ARHGAP42: variants seen among roughly 807,000 people sequenced by gnomAD.
The protein encoded by ARHGAP42 is rho GTPase-activating protein 42.
Under a neutral mutation model 125.0 loss-of-function variants are expected in ARHGAP42, and 63 were observed. The observed-to-expected ratio is 0.50, with a 90% CI of 0.41 to 0.62. The LOEUF is 0.62. Ranked by LOEUF, ARHGAP42 falls within the 20% of genes least tolerant of loss-of-function variation. ARHGAP42 has a pLI of 0.00. For missense variants in ARHGAP42, 766 were observed against 1,024.2 expected, an observed-to-expected ratio of 0.75 and a Z score of 3.44; for synonymous variants, 339 against 351.0, an observed-to-expected ratio of 0.97 and a Z score of 0.38.
At chr11:100,954,825 A>G (rs926914533) in intron 12 of ARHGAP42, among the ~76,000 whole-genome samples, 1 of 152,196 alleles carries the variant, frequency 6.6e-6, no homozygotes, top group African/African-American at 2.4e-5. Context: ...GAAAAGGTCC[A>G]GTAGGTATCA....
At chr11:100,804,839 TC>T (rs1469442639) in intron 3 of ARHGAP42, among the ~76,000 whole-genome samples, 1 of 152,202 alleles carries the variant, frequency 6.6e-6, no homozygotes, top group Non-Finnish European at 1.5e-5. Flanking sequence ...AAAAAGTGTG[TC>T]GGTAACGTCA....
At chr11:100,768,283 T>C (rs1327327183) in intron 1 of ARHGAP42, among the ~76,000 whole-genome samples, 1 of 151,286 alleles carries the variant, frequency 6.6e-6, no homozygotes, top group Non-Finnish European at 1.5e-5. Flanking sequence ...AGGAGCAGGA[T>C]GTGGGGCATT....
intron 1 of ARHGAP42, among the ~76,000 whole-genome samples, chr11:100,717,366 G>T (rs530594498): frequency 4.6e-5 from 7 of 152,088 alleles, no homozygotes; most frequent in Non-Finnish European, 1.0e-4. Flanking sequence ...GGCCGGGCGC[G>T]GTGGCTCATG....
chr11:100,715,922 G>C (rs1393147562), intron 1 of ARHGAP42, among the ~76,000 whole-genome samples: 1 of 152,198 alleles, frequency 6.6e-6, no homozygotes, highest in African/African-American at 2.4e-5. Flanking sequence ...GAAGTCATTG[G>C]AGGAACTGCA....
At chr11:100,722,329 T>C (rs545714107) in intron 1 of ARHGAP42, among the ~76,000 whole-genome samples, 2 of 152,268 alleles carry the variant, frequency 1.3e-5, no homozygotes, top group South Asian at 4.1e-4. Flanking sequence ...TAGTCCTTTG[T>C]ATATTTTGGA....
intron 4 of ARHGAP42, among the ~76,000 whole-genome samples, chr11:100,909,886 T>A (rs1170363895): frequency 6.6e-6 from 1 of 152,178 alleles, no homozygotes; most frequent in Non-Finnish European, 1.5e-5. Flanking sequence ...ATGCCTACAG[T>A]CTTATAAATA....
chr11:100,832,072 G>A (rs1268346777), intron 3 of ARHGAP42, among the ~76,000 whole-genome samples: 1 of 152,204 alleles, frequency 6.6e-6, no homozygotes, highest in African/African-American at 2.4e-5. Flanking sequence ...TTGGCTCAGT[G>A]GCTCTATGTC....
chr11:100,948,405 A>C, intron 10 of ARHGAP42, 52 bp from the exon 11 acceptor site: 1 of 1,295,844 alleles, frequency 7.7e-7, no homozygotes, highest in Non-Finnish European at 1.1e-6. Flanking sequence ...GTTAACTGAG[A>C]ATTTAAAAAG....
chr11:100,799,727 C>T (rs373153035), intron 3 of ARHGAP42, among the ~76,000 whole-genome samples: 6 of 152,120 alleles, frequency 3.9e-5, no homozygotes, highest in South Asian at 2.1e-4. Flanking sequence ...GAAAATATGA[C>T]GGTTTAAAGA....
At chr11:100,954,634 A>G (rs1262243886) in intron 12 of ARHGAP42, among the ~76,000 whole-genome samples, 2 of 152,126 alleles carry the variant, frequency 1.3e-5, no homozygotes, top group African/African-American at 4.8e-5. Context: ...AGATGTCCCT[A>G]GGTTATCATC....
intron 1 of ARHGAP42, among the ~76,000 whole-genome samples, chr11:100,704,373 C>T (rs1310816972): frequency 6.6e-6 from 1 of 152,044 alleles, no homozygotes; most frequent in African/African-American, 2.4e-5. Flanking sequence ...AAGCACAGGC[C>T]GGAAAAGGCC....
At chr11:100,935,458 T>A (rs1393956733) in intron 7 of ARHGAP42, among the ~76,000 whole-genome samples, 1 of 152,184 alleles carries the variant, frequency 6.6e-6, no homozygotes, top group Non-Finnish European at 1.5e-5. Flanking sequence ...TTTTCTTGAC[T>A]TGTTCTATGC....
At chr11:100,703,884 T>C (rs182408607) in intron 1 of ARHGAP42, among the ~76,000 whole-genome samples, 130 of 152,320 alleles carry the variant, frequency 8.5e-4, no homozygotes, top group Non-Finnish European at 1.6e-3. Flanking sequence ...CCCATGTTAG[T>C]TTCTGCACCG....
intron 6 of ARHGAP42, among the ~76,000 whole-genome samples, chr11:100,931,436 T>A (rs948474643): frequency 2.6e-5 from 4 of 152,204 alleles, no homozygotes; most frequent in Non-Finnish European, 4.4e-5. Context: ...CTTTTTTCCA[T>A]GTTCTAGAAA....
At chr11:100,728,248 A>G (rs1565543876) in intron 1 of ARHGAP42, among the ~76,000 whole-genome samples, 1 of 152,160 alleles carries the variant, frequency 6.6e-6, no homozygotes, top group Non-Finnish European at 1.5e-5. Context: ...GCAGTTGGCT[A>G]TCGAAAAGGC....
At chr11:100,805,557 A>G (rs1181340427) in intron 3 of ARHGAP42, among the ~76,000 whole-genome samples, 1 of 152,226 alleles carries the variant, frequency 6.6e-6, no homozygotes, top group Non-Finnish European at 1.5e-5. Context: ...AAGTTATTAT[A>G]GGTGTAAAGA....
intron 15 of ARHGAP42, among the ~76,000 whole-genome samples, chr11:100,962,162 T>G (rs74898601): frequency 0.018 from 2,777 of 152,252 alleles, 36 homozygotes; most frequent in Non-Finnish European, 0.027. Context: ...CAGTCTCCCC[T>G]CTTAATACAG....
At chr11:100,942,316 C>T (rs747775941) in intron 9 of ARHGAP42, among the ~76,000 whole-genome samples, 2 of 152,160 alleles carry the variant, frequency 1.3e-5, no homozygotes, top group African/African-American at 2.4e-5. Flanking sequence ...GCACTGCATA[C>T]TGTTAACCAA....
Position 100,941,794 on chromosome 11 carries a change from T to C in ARHGAP42, c.843T>C (p.Gly281=). 6.6e-7 allele frequency: 1 copy of C among 1,517,474 alleles called. No homozygotes were observed. Among genetic ancestry groups the C allele is most frequent in the Non-Finnish European group, 8.8e-7 (1 of 1,135,684 alleles). 94.0% of individuals were successfully genotyped at this position (1,517,474 alleles called of 1,614,324 possible). A position where few individuals can be genotyped will look rare whatever the true frequency, so the allele number is the denominator to read the frequency against. ...GTTTCCTTACATTAGGACCGCTTGG[T>C]TTTACATGGATTAAACATTATTGTA... ...YLYVQEKRPL[G]FTWIKHYCTY... is the part of the protein sequence containing the mutation. Residue 281 remains glycine (G), a synonymous_variant, in exon 9 of 24, where the codon GGT becomes GGC. Coordinates refer to ENST00000298815, the MANE Select transcript of ARHGAP42 (RefSeq NM_152432.4).
Sources: gnomAD v4.1 joint callset for allele counts (sites outside exome capture counted in the v4.1 genomes callset) on GRCh38, gnomAD v4.1.1 for gene constraint, MANE v1.5 for transcripts, NCBI Gene and HGNC (gene_info 2026-07-23, HGNC 2026-07-21) for gene names.